CRYBA4: variants seen among roughly 807,000 people sequenced by gnomAD.
The protein encoded by CRYBA4 is crystallin beta A4, also known as beta-crystallin A4.
A neutral mutation model predicts 31.7 loss-of-function variants in CRYBA4; 30 were observed. The ratio of observed to expected loss-of-function variants is 0.95; its 90% CI spans 0.71 to 1.28. The LOEUF (loss-of-function observed/expected upper bound fraction) is 1.28, where lower values mean the gene tolerates loss of function less well. Ranked by LOEUF, CRYBA4 falls within the 50% of genes most tolerant of loss-of-function variation. The pLI, the probability that CRYBA4 is intolerant of heterozygous loss-of-function variation, is 0.00. For missense variants in CRYBA4, 225 were observed against 260.7 expected (o/e 0.86, Z 0.94); for synonymous variants, 102 against 102.3 (o/e 1.00, Z 0.02).
the CRYBA4 span, among the ~76,000 whole-genome samples, chr22:26,610,182 A>G: frequency 1.3e-5 from 2 of 152,170 alleles, no homozygotes; most frequent in South Asian, 2.1e-4. Context: ...GAGAGAGGGT[A>G]GGGCAGGAAT....
At chr22:26,615,745 C>G in the CRYBA4 span, among the ~76,000 whole-genome samples, 6 of 151,766 alleles carry the variant, frequency 4.0e-5, no homozygotes, top group Admixed American at 2.0e-4. Flanking sequence ...AACTCCTGAC[C>G]TCAGGTGATC....
the CRYBA4 span, chr22:26,599,616 A>C: frequency 6.2e-7 from 1 of 1,614,166 alleles, no homozygotes; most frequent in Non-Finnish European, 8.5e-7. Context: ...GCCGGAAGTC[A>C]CCAGGCTCTA....
In CRYBA4 at chr22:26,627,364, CTTTCT is replaced by C. The variant is rs1569211589; in HGVS notation, c.301-921_301-917del. Among the ~76,000 whole-genome samples the C allele has an allele frequency of 5.7e-3, 173 of 30,338 alleles. 9 individuals are homozygous for C. Among genetic ancestry groups the C allele is most frequent in the Non-Finnish European group, 7.9e-3 (136 of 17,198 alleles). 19.9% of individuals were successfully genotyped at this position (30,338 alleles called of 152,430 possible). ...CCCTCCCTCCCTCCCTCCCTCCTTTCTTTCTTTCTTTCTTTCTTTCTTTCTTTCTT... is the reference window on the plus strand; with the variant it reads ...CCCTCCCTCCCTCCCTCCCTCCTTTCTTCTTTCTTTCTTTCTTTCTTTCTT... On this transcript the variant is annotated intron_variant, in intron 4 of 5. Transcript: ENST00000354760.
the CRYBA4 span, among the ~76,000 whole-genome samples, chr22:26,609,104 T>A: frequency 6.6e-6 from 1 of 151,742 alleles, no homozygotes; most frequent in African/African-American, 2.4e-5. Flanking sequence ...TGTTCAAGAG[T>A]TCTTAGGAAA....
At chr22:26,593,628 C>T in the CRYBA4 span, among the ~76,000 whole-genome samples, 1 of 152,086 alleles carries the variant, frequency 6.6e-6, no homozygotes, top group African/African-American at 2.4e-5. Context: ...TGGGTCCAAG[C>T]AGTCCTCCTG....
At chr22:26,598,523 A>G in the CRYBA4 span, among the ~76,000 whole-genome samples, 1 of 152,204 alleles carries the variant, frequency 6.6e-6, no homozygotes, top group East Asian at 1.9e-4. Context: ...AGCTGGGATT[A>G]CAGGCGCACG....
the CRYBA4 span, among the ~76,000 whole-genome samples, chr22:26,604,897 A>C: frequency 6.6e-6 from 1 of 152,088 alleles, no homozygotes. Context: ...GTCAAGACTG[A>C]ACTTGCCACC....
At chr22:26,599,498 G>A in the CRYBA4 span, 2 of 1,612,484 alleles carry the variant, frequency 1.2e-6, no homozygotes, top group East Asian at 4.5e-5. Flanking sequence ...ACTCACTTGG[G>A]GGGCTCTGTG....
At chr22:26,602,135 G>A in the CRYBA4 span, 8 of 1,365,920 alleles carry the variant, frequency 5.9e-6, no homozygotes, top group South Asian at 8.4e-5. Context: ...CAGGCTGCTG[G>A]GGGACTCTCC....
Position 26,630,533 on chromosome 22 carries a change from GA to G in CRYBA4, c.*47del, listed in dbSNP as rs1187720754. 1.3e-6 allele frequency: 2 copies of G among 1,557,854 alleles called. No homozygotes were observed. Among genetic ancestry groups the G allele is most frequent in the Non-Finnish European group, 1.8e-6 (2 of 1,141,954 alleles). On this transcript the variant is annotated 3_prime_UTR_variant, in exon 6 of 6. Coordinates refer to ENST00000354760, the MANE Select transcript of CRYBA4 (RefSeq NM_001886.3). ...AGCGCATGCGTGCTTATCTGCAATGGAGGCGCTCTGGAGGCTGTGGTGTGTT... is the reference window on the plus strand; with the variant it reads ...AGCGCATGCGTGCTTATCTGCAATGGGGCGCTCTGGAGGCTGTGGTGTGTT...
At chr22:26,602,007 G>T in the CRYBA4 span, 1 of 1,613,776 alleles carries the variant, frequency 6.2e-7, no homozygotes, top group African/African-American at 1.3e-5. Flanking sequence ...GGGAGATTTT[G>T]TGCTCCTGGG....
At chr22:26,591,890 TACACAC>T in the CRYBA4 span, among the ~76,000 whole-genome samples, 393 of 135,916 alleles carry the variant, frequency 2.9e-3, no homozygotes, top group East Asian at 8.0e-3. Flanking sequence ...CCTGGGTGAG[TACACAC>T]ACACACACAC....
At chr22:26,593,463 C>A in the CRYBA4 span, among the ~76,000 whole-genome samples, 2 of 151,758 alleles carry the variant, frequency 1.3e-5, no homozygotes, top group African/African-American at 2.4e-5. Flanking sequence ...CATGGTGAGA[C>A]CTTGTCTCTA....
chr22:26,607,925 G>A, the CRYBA4 span: 1 of 1,614,220 alleles, frequency 6.2e-7, no homozygotes, highest in Non-Finnish European at 8.5e-7. Flanking sequence ...GCCGATCACT[G>A]CGGTAGCTGC....
the CRYBA4 span, among the ~76,000 whole-genome samples, chr22:26,598,031 C>T: frequency 8.2e-3 from 1,245 of 152,146 alleles, 23 homozygotes; most frequent in African/African-American, 0.028. Flanking sequence ...TACAGGCACC[C>T]GCCACCACAG....
chr22:26,603,353 A>T, the CRYBA4 span, among the ~76,000 whole-genome samples: 1 of 151,680 alleles, frequency 6.6e-6, no homozygotes, highest in African/African-American at 2.4e-5. Context: ...AACATGGTGA[A>T]ACCCCATCTC....
At chr22:26,621,331 A>G (rs1171918714), upstream of CRYBA4, among the ~76,000 whole-genome samples, 2 of 152,126 alleles carry the variant, frequency 1.3e-5, no homozygotes, top group South Asian at 2.1e-4. Flanking sequence ...CTCCAGGCCA[A>G]TTGGGCTACC....
At chr22:26,594,187 C>G in the CRYBA4 span, among the ~76,000 whole-genome samples, 3 of 152,172 alleles carry the variant, frequency 2.0e-5, no homozygotes, top group Admixed American at 2.0e-4. Context: ...TTCGTTGATC[C>G]TAAGTATCTG....
At chr22:26,592,799 G>A in the CRYBA4 span, among the ~76,000 whole-genome samples, 30 of 152,298 alleles carry the variant, frequency 2.0e-4, no homozygotes, top group African/African-American at 7.2e-4. Context: ...TGGTTTGGAG[G>A]GTGTTGAAAT....
Sources: allele counts gnomAD v4.1 joint callset (sites outside exome capture counted in the v4.1 genomes callset), GRCh38; gene constraint gnomAD v4.1.1; transcripts MANE v1.5; gene names NCBI Gene and HGNC (gene_info 2026-07-23, HGNC 2026-07-21).